ZFP37: variants seen among roughly 807,000 people sequenced by gnomAD.
ZFP37 encodes ZFP37 zinc finger protein.
In ZFP37, 38 loss-of-function variants were observed where a neutral mutation model predicts 52.1. That is an observed-to-expected ratio of 0.73 (90% CI 0.56 to 0.96). The LOEUF is 0.96. ZFP37 is among the 40% of genes least tolerant of loss of function. The pLI, the probability that ZFP37 is intolerant of heterozygous loss-of-function variation, is 0.00. For synonymous variants in ZFP37, 253 were observed against 259.5 expected (o/e 0.98, Z 0.24); for missense variants, 695 against 741.4 (o/e 0.94, Z 0.73).
Position 113,052,255 on chromosome 9 carries a change from G to A in ZFP37, c.133-2383C>T, listed in dbSNP as rs569190323. On this transcript the variant is annotated intron_variant, in intron 1 of 3. Transcript: ENST00000374227. This position sits in a 1 kb window ranked among gnomAD's most constrained non-coding sequence, Gnocchi z 4.1. Reference sequence around the variant, plus strand: ...CTTATAGGAGCCTCAGAGGAGTGGAGGCTGTCTTTCCTGCACCACCCCTCT... The same window carrying A: ...CTTATAGGAGCCTCAGAGGAGTGGAAGCTGTCTTTCCTGCACCACCCCTCT... 3.3e-5 allele frequency among the ~76,000 whole-genome samples: 5 copies of A among 152,248 alleles called. No homozygotes were observed. Among genetic ancestry groups the A allele is most frequent in the African/African-American group, 9.6e-5 (4 of 41,556 alleles).
chr9:113,046,151 T>C lies in ZFP37; in HGVS notation c.350-1883A>G, dbSNP rs146752486. Reference sequence around the variant, plus strand: ...TAAAATATATATCTGTCTATATATATAGACAGATATATATCTATATATAGA... The same window carrying C: ...TAAAATATATATCTGTCTATATATACAGACAGATATATATCTATATATAGA... On this transcript the variant is annotated intron_variant, in intron 3 of 3. Transcript: ENST00000374227. 6.1e-3 allele frequency among the ~76,000 whole-genome samples: 914 copies of C among 150,198 alleles called. 16 individuals carry two copies. Among genetic ancestry groups the C allele is most frequent in the African/African-American group, 0.02 (838 of 41,116 alleles).
In ZFP37 at chr9:113,042,775, A is replaced by G. The variant is rs1340611895; in HGVS notation, c.1843T>C (p.Ser615Pro). The change falls in exon 4 of 4, where the codon TCC (serine) becomes CCC (proline). Residue 615 changes from serine to proline, a missense_variant. This residue lies in a region of ZFP37 where 326 missense variants were observed against 400.5 expected (regional missense o/e 0.81). Coordinates refer to ENST00000374227, the MANE Select transcript of ZFP37 (RefSeq NM_003408.3). Reference sequence around the variant, plus strand: ...TGAGTTTTCACATGTTTGGTTAGGGATGCATTTTGTTTGAAAGTTTTCCCA... The same window carrying G: ...TGAGTTTTCACATGTTTGGTTAGGGGTGCATTTTGTTTGAAAGTTTTCCCA... ...ECGKTFKQNA[S>P]LTKHVKTHSE... 2.5e-6 allele frequency: 4 copies of G among 1,606,470 alleles called. No individual in the cohort carries two copies. In the Admixed American group the frequency reaches 5.1e-5, roughly 20 times the overall value.
rs1828816442 is a variant in ZFP37, at chr9:113,039,743, T to C, written c.*2982A>G. ...TCAGGCACTTAGATGATCATATCAC[T>C]TGAATAAATAAATGTTTCAAAACTG... is the stretch of plus-strand genomic sequence containing the variant. On this transcript the variant is annotated 3_prime_UTR_variant, in exon 4 of 4. Coordinates refer to ENST00000374227, the MANE Select transcript of ZFP37 (RefSeq NM_003408.3). 1 of 152,202 alleles carries C rather than the reference T, an allele frequency of 6.6e-6. No homozygotes were observed. Among genetic ancestry groups the C allele is most frequent in the Admixed American group, 6.5e-5 (1 of 15,270 alleles). 9.4% of individuals were successfully genotyped at this position (152,202 alleles called of 1,614,324 possible). A position where few individuals can be genotyped will look rare whatever the true frequency, so the allele number is the denominator to read the frequency against.
In ZFP37 at chr9:113,040,548, ATATAT is replaced by A. The variant is rs1215011599; in HGVS notation, c.*2172_*2176del. 1 of 152,244 alleles carries A rather than the reference ATATAT, an allele frequency of 6.6e-6. No individual in the cohort carries two copies. Among genetic ancestry groups the A allele is most frequent in the Non-Finnish European group, 1.5e-5 (1 of 68,038 alleles). 9.4% of individuals were successfully genotyped at this position (152,244 alleles called of 1,614,324 possible). On this transcript the variant is annotated 3_prime_UTR_variant, in exon 4 of 4. Coordinates refer to ENST00000374227, the MANE Select transcript of ZFP37 (RefSeq NM_003408.3). ...TACACGAACACATATTCCATTCTCA[ATATAT>A]TATATTAACACATTATAATTCTCTG...
At position 113,056,641 on chromosome 9, in the gene ZFP37, C is replaced by T; in HGVS notation, c.48G>A (p.Val16=). 6.2e-7 allele frequency: 1 copy of T among 1,613,980 alleles called. No homozygotes were observed. The highest frequency in any genetic ancestry group is 8.5e-7 in the Non-Finnish European group (1 of 1,179,994). ...TCGTTTCCGCACTTCTCCTCCGGTC[C>T]ACGGTCTCTGGCTTTGTCAGAATCT... ...GVQILTKPET[V]DRRRSAETTK... The change falls in exon 1 of 4, where the codon GTG becomes GTA. Residue 16 remains valine, a synonymous_variant. Coordinates refer to ENST00000374227, the MANE Select transcript of ZFP37 (RefSeq NM_003408.3).
chr9:113,048,946 GA>G (rs1367938234), intron 3 of ZFP37, among the ~76,000 whole-genome samples: 1 of 152,112 alleles, frequency 6.6e-6, no homozygotes, highest in East Asian at 1.9e-4. Flanking sequence ...GCTAAATGGA[GA>G]ATGCTCTTTC....
intron 3 of ZFP37, among the ~76,000 whole-genome samples, chr9:113,044,889 C>T (rs190073816): frequency 1.1e-4 from 17 of 152,030 alleles, no homozygotes; most frequent in Admixed American, 9.2e-4. Flanking sequence ...ATCCACACAC[C>T]GAGAAGCAGA....
intron 3 of ZFP37, among the ~76,000 whole-genome samples, chr9:113,047,333 C>T (rs982195099): frequency 9.2e-5 from 14 of 152,154 alleles, no homozygotes; most frequent in Non-Finnish European, 1.5e-5. Context: ...GGAATTCATA[C>T]AGTCTTGGAC....
In ZFP37 at chr9:113,052,994, G is replaced by A. The variant is rs1478649625; in HGVS notation, c.133-3122C>T. Among the ~76,000 whole-genome samples, 8 of 152,194 alleles carry A rather than the reference G, an allele frequency of 5.3e-5. No homozygotes were observed. Among genetic ancestry groups the A allele is most frequent in the East Asian group, 3.9e-4 (2 of 5,184 alleles). The stretch of plus-strand genomic sequence containing the variant: ...CCTGCCATAATGCTGCACTACCTCC[G>A]TATCAACGTGGAAGAGCCATTCAAC... On this transcript the variant is annotated intron_variant, in intron 1 of 3. Coordinates refer to ENST00000374227, the MANE Select transcript of ZFP37 (RefSeq NM_003408.3). This position sits in a 1 kb window ranked among gnomAD's most constrained non-coding sequence, Gnocchi z 4.1.
intron 3 of ZFP37, among the ~76,000 whole-genome samples, chr9:113,046,667 T>G (rs1370538761): frequency 6.6e-6 from 1 of 152,090 alleles, no homozygotes; most frequent in Non-Finnish European, 1.5e-5. Context: ...GGCTGGAAGT[T>G]TTTCCTGAAT....
In ZFP37 at chr9:113,052,734, A is replaced by G. The variant is rs1399966468; in HGVS notation, c.133-2862T>C. Among the ~76,000 whole-genome samples, 2 of 152,192 alleles carry G rather than the reference A, an allele frequency of 1.3e-5. No homozygotes were observed. The highest frequency in any genetic ancestry group is 2.9e-5 in the Non-Finnish European group (2 of 68,020). On this transcript the variant is annotated intron_variant, in intron 1 of 3. Coordinates refer to ENST00000374227, the MANE Select transcript of ZFP37 (RefSeq NM_003408.3). This position sits in a 1 kb window ranked among gnomAD's most constrained non-coding sequence, Gnocchi z 4.1. Reference sequence around the variant, plus strand: ...GCATGTACAAAAATTCCAGACTCCCAGAAGAAAGCAGGTGTTCAGCATAAA... The same window carrying G: ...GCATGTACAAAAATTCCAGACTCCCGGAAGAAAGCAGGTGTTCAGCATAAA...
rs1182195265 is a variant in ZFP37 at position 113,040,184 on chromosome 9, C to CT, written c.*2540dup. ...TTCATTTTATTACTGCACAAAGTGG[C>CT]TTTCAGCATTCATTTATATCATTCA... On this transcript the variant is annotated 3_prime_UTR_variant, in exon 4 of 4. Coordinates refer to ENST00000374227, the MANE Select transcript of ZFP37 (RefSeq NM_003408.3). The CT allele has an allele frequency of 6.6e-6, 1 of 152,214 alleles. No individual in the cohort carries two copies. Among genetic ancestry groups the CT allele is most frequent in the Non-Finnish European group, 1.5e-5 (1 of 68,038 alleles). 9.4% of individuals were successfully genotyped at this position (152,214 alleles called of 1,614,324 possible). A position where few individuals can be genotyped will look rare whatever the true frequency, so the allele number is the denominator to read the frequency against.
intron 2 of ZFP37, 111 bp downstream of exon 2, chr9:113,049,680 A>G (rs1438568509): frequency 4.7e-6 from 7 of 1,484,380 alleles, no homozygotes; most frequent in African/African-American, 1.4e-5. Context: ...CTAGTACCCA[A>G]AAAAGAAGAA....
In ZFP37 at chr9:113,043,658, T is replaced by C. The variant is rs758389646; in HGVS notation, c.960A>G (p.Pro320=). The C allele has an allele frequency of 6.2e-6, 10 of 1,613,952 alleles. No homozygotes were observed. In the Admixed American group the frequency reaches 1.3e-4, roughly 22 times the overall value. Residue 320 remains proline (P), a synonymous_variant, in exon 4 of 4, where the codon CCA becomes CCG. Transcript: ENST00000374227. ...CTATCCCACATTCATTACATTCATA[T>C]GGTTTCTCCCCAGTATGAACTCTCT... ...DHQRVHTGEK[P]YECNECGIAF...
rs939550387 is a variant in ZFP37, at chr9:113,056,666, T to C, written c.23A>G (p.Gln8Arg). 1.9e-6 allele frequency: 3 copies of C among 1,613,490 alleles called. No individual in the cohort carries two copies. Among genetic ancestry groups the C allele is most frequent in the Non-Finnish European group, 1.7e-6 (2 of 1,179,784 alleles). ...CACGGTCTCTGGCTTTGTCAGAATCTGGACGCCGCTGGAGACCGACATGGC... is the reference window on the plus strand; with the variant it reads ...CACGGTCTCTGGCTTTGTCAGAATCCGGACGCCGCTGGAGACCGACATGGC... MSVSSGV[Q>R]ILTKPETVDR... is the part of the protein sequence containing the mutation. The change falls in exon 1 of 4, where the codon CAG becomes CGG. Residue 8 changes from glutamine to arginine, a missense_variant. Gln to Arg is a conservative substitution (Grantham distance 43). Transcript: ENST00000374227.
intron 1 of ZFP37, among the ~76,000 whole-genome samples, chr9:113,053,013 A>G (rs62574432): frequency 0.049 from 7,391 of 152,240 alleles, 280 homozygotes; most frequent in East Asian, 0.092. Flanking sequence ...TGGAAGAGCC[A>G]TTCAACACCC....
chr9:113,050,006 C>T (rs1829028344), intron 1 of ZFP37, 134 bp from the exon 2 acceptor site: 3 of 1,386,202 alleles, frequency 2.2e-6, no homozygotes, highest in Non-Finnish European at 1.9e-6. Context: ...ACCTTGACTA[C>T]TCACTGTTGA....
Position 113,038,925 on chromosome 9 carries a change from A to G in ZFP37, c.*3800T>C, listed in dbSNP as rs926655927. The G allele has an allele frequency of 6.6e-6, 1 of 152,188 alleles. No individual in the cohort carries two copies. The highest frequency in any genetic ancestry group is 1.5e-5 in the Non-Finnish European group (1 of 68,034). 9.4% of individuals were successfully genotyped at this position (152,188 alleles called of 1,614,324 possible). A position where few individuals can be genotyped will look rare whatever the true frequency, so the allele number is the denominator to read the frequency against. ...TTGTGGAAAATTTTAATTTTCTTCA[A>G]TATTGGATTACTCACTTGATGCCTG... is the stretch of plus-strand genomic sequence containing the variant. On this transcript the variant is annotated 3_prime_UTR_variant, in exon 4 of 4. Transcript: ENST00000374227.
At position 113,056,702 on chromosome 9, in the gene ZFP37, A is replaced by G; in HGVS notation, c.-14T>C. 2 of 1,610,314 alleles carry G rather than the reference A, an allele frequency of 1.2e-6. No homozygotes were observed. Among genetic ancestry groups the G allele is most frequent in the South Asian group, 2.2e-5 (2 of 91,012 alleles). ...GGAGACCGACATGGCGGCTACCCGG[A>G]GGGCGGCCTTAGCGGGTCCGGCAGC... On this transcript the variant is annotated 5_prime_UTR_variant, in exon 1 of 4. Coordinates refer to ENST00000374227, the MANE Select transcript of ZFP37 (RefSeq NM_003408.3).
Sources: gnomAD v4.1 joint callset for allele counts (sites outside exome capture counted in the v4.1 genomes callset) on GRCh38, gnomAD v4.1.1 for gene constraint, gnomAD v4.1.1 regional missense constraint, Gnocchi (gnomAD v3.1) non-coding constraint, MANE v1.5 for transcripts, NCBI Gene and HGNC (gene_info 2026-07-23, HGNC 2026-07-21) for gene names.